Variants in PPARGC1A observed in about 807,000 individuals in gnomAD.
PPARGC1A encodes the protein PPARG coactivator 1 alpha.
In PPARGC1A, 25 loss-of-function variants were observed where a neutral mutation model predicts 88.7. The ratio of observed to expected loss-of-function variants is 0.28; its 90% CI spans 0.21 to 0.39. The LOEUF (loss-of-function observed/expected upper bound fraction) is 0.39, where lower values mean the gene tolerates loss of function less well. PPARGC1A is among the 10% of genes least tolerant of loss of function. PPARGC1A has a pLI of 1.00. For synonymous variants in PPARGC1A, 363 were observed against 355.6 expected (o/e 1.02, Z -0.24); for missense variants, 880 against 968.7 (o/e 0.91, Z 1.22).
chr4:23,862,179 G>A (rs987321338), intron 2 of PPARGC1A, among the ~76,000 whole-genome samples: 4 of 152,152 alleles, frequency 2.6e-5, no homozygotes, highest in Non-Finnish European at 4.4e-5. Context: ...ACCAGTCTGT[G>A]GCTGAACAGA....
chr4:24,111,460 T>G, the PPARGC1A span, among the ~76,000 whole-genome samples: 2 of 152,186 alleles, frequency 1.3e-5, no homozygotes, highest in Non-Finnish European at 2.9e-5. Flanking sequence ...TCCAAACAAC[T>G]AACTTGCTAC....
the PPARGC1A span, among the ~76,000 whole-genome samples, chr4:24,386,600 A>G: frequency 1.3e-5 from 2 of 152,310 alleles, no homozygotes; most frequent in Admixed American, 6.5e-5. Context: ...CACCAATAAT[A>G]GACAAACAGA....
the PPARGC1A span, among the ~76,000 whole-genome samples, chr4:24,128,294 T>C: frequency 7.2e-5 from 11 of 152,210 alleles, no homozygotes; most frequent in Non-Finnish European, 1.5e-4. Context: ...ACATTAATAC[T>C]AGCATATATC....
At chr4:24,282,420 G>T in the PPARGC1A span, among the ~76,000 whole-genome samples, 1 of 152,162 alleles carries the variant, frequency 6.6e-6, no homozygotes, top group Admixed American at 6.5e-5. Flanking sequence ...TGTGGTTTTT[G>T]TTGCCCCCAA....
the PPARGC1A span, among the ~76,000 whole-genome samples, chr4:24,311,420 G>A: frequency 6.7e-6 from 1 of 149,544 alleles, no homozygotes; most frequent in Non-Finnish European, 1.5e-5. Context: ...TGGATCACGA[G>A]GTCAGGAGAT....
the PPARGC1A span, among the ~76,000 whole-genome samples, chr4:24,242,439 G>T: frequency 6.6e-6 from 1 of 152,082 alleles, no homozygotes; most frequent in Non-Finnish European, 1.5e-5. Flanking sequence ...TTCCTACCTG[G>T]AACACCTTCC....
At chr4:24,322,247 T>C in the PPARGC1A span, among the ~76,000 whole-genome samples, 1 of 152,244 alleles carries the variant, frequency 6.6e-6, no homozygotes, top group Non-Finnish European at 1.5e-5. Context: ...GCTTCACTGG[T>C]GGCTGGGGTA....
intron 10 of PPARGC1A, among the ~76,000 whole-genome samples, chr4:23,809,968 G>A (rs59256257): frequency 6.6e-6 from 1 of 152,236 alleles, no homozygotes; most frequent in South Asian, 2.1e-4. Context: ...TTATCACACT[G>A]TATTGCCTGT....
At chr4:24,088,509 A>G in the PPARGC1A span, among the ~76,000 whole-genome samples, 2 of 152,174 alleles carry the variant, frequency 1.3e-5, no homozygotes, top group Non-Finnish European at 2.9e-5. Flanking sequence ...AAATGGGTCC[A>G]TATCCCCATT....
At chr4:24,053,319 A>G in the PPARGC1A span, among the ~76,000 whole-genome samples, 849 of 152,304 alleles carry the variant, frequency 5.6e-3, 9 homozygotes, top group African/African-American at 0.019. Context: ...AGGCTTACTC[A>G]AATAGCCTAA....
chr4:24,334,122 CTGTATTTCTAACAGGAATTT>C, the PPARGC1A span, among the ~76,000 whole-genome samples: 13 of 152,048 alleles, frequency 8.5e-5, no homozygotes, highest in South Asian at 1.7e-3. Context: ...GTCTGGGATC[CTGTATTTCTAACAGGAATTT>C]TGTATTTCTA....
At chr4:23,929,206 T>C in the PPARGC1A span, among the ~76,000 whole-genome samples, 1 of 152,120 alleles carries the variant, frequency 6.6e-6, no homozygotes, top group African/African-American at 2.4e-5. Flanking sequence ...GGATTAAATG[T>C]TAGGTCAACC....
chr4:24,288,921 T>C, the PPARGC1A span, among the ~76,000 whole-genome samples: 3 of 152,128 alleles, frequency 2.0e-5, no homozygotes, highest in African/African-American at 4.8e-5. Context: ...GGGATCTTAC[T>C]GCTCAAAGAA....
the PPARGC1A span, among the ~76,000 whole-genome samples, chr4:24,400,580 A>G: frequency 6.6e-6 from 1 of 152,224 alleles, no homozygotes; most frequent in Non-Finnish European, 1.5e-5. Flanking sequence ...TCCTTCTAAG[A>G]GAACCCTGAC....
the PPARGC1A span, among the ~76,000 whole-genome samples, chr4:24,198,046 C>T: frequency 6.6e-6 from 1 of 152,132 alleles, no homozygotes; most frequent in East Asian, 1.9e-4. Flanking sequence ...TCTTACTGCC[C>T]TCCTTCACTT....
Position 23,814,383 on chromosome 4 carries a change from C to T in PPARGC1A, c.1100G>A (p.Gly367Glu), listed in dbSNP as rs1288355966. 6.2e-7 allele frequency: 1 copy of T among 1,613,778 alleles called. No individual in the cohort carries two copies. The highest frequency in any genetic ancestry group is 1.3e-5 in the African/African-American group (1 of 74,856). The change falls in exon 8 of 13, where the codon GGA (glycine) becomes GAA (glutamate). Residue 367 changes from glycine (G) to glutamate (E), a missense_variant. Transcript: ENST00000264867. ...QLSKSSVLTGGHEERKTKRPS... is the reference protein window; with the variant it reads ...QLSKSSVLTGEHEERKTKRPS... ...CCGCTTGGTCTTCCTTTCCTCGTGTCCACCAGTGAGGACTGAGGACTTGCT... is the reference window on the plus strand; with the variant it reads ...CCGCTTGGTCTTCCTTTCCTCGTGTTCACCAGTGAGGACTGAGGACTTGCT...
chr4:23,855,758 C>T (rs899882809), intron 2 of PPARGC1A, among the ~76,000 whole-genome samples: 1 of 152,080 alleles, frequency 6.6e-6, no homozygotes, highest in African/African-American at 2.4e-5. Flanking sequence ...TGTAAAGCTT[C>T]TACAGGGCCC....
the PPARGC1A span, among the ~76,000 whole-genome samples, chr4:24,390,511 G>A: frequency 6.6e-6 from 1 of 151,922 alleles, no homozygotes; most frequent in Non-Finnish European, 1.5e-5. Flanking sequence ...TTTTTTATAT[G>A]CATGTTATGC....
the PPARGC1A span, among the ~76,000 whole-genome samples, chr4:24,000,611 C>A: frequency 1.3e-5 from 2 of 152,012 alleles, no homozygotes; most frequent in African/African-American, 4.8e-5. Flanking sequence ...AGAAATAAAT[C>A]ACTGTGGGGG....
Sources: allele counts gnomAD v4.1 joint callset (sites outside exome capture counted in the v4.1 genomes callset), GRCh38; gene constraint gnomAD v4.1.1; transcripts MANE v1.5; gene names NCBI Gene and HGNC (gene_info 2026-07-23, HGNC 2026-07-21).